The following MEIOB variants were observed in gnomAD, a reference collection of about 807,000 sequenced individuals.
The protein encoded by MEIOB is meiosis-specific with OB domain-containing protein.
Under a neutral mutation model 53.1 loss-of-function variants are expected in MEIOB, and 50 were observed. The observed-to-expected ratio is 0.94, with a 90% CI of 0.75 to 1.19. The LOEUF is 1.19. MEIOB is among the 50% of genes most tolerant of loss of function. The pLI is 0.00. For synonymous variants in MEIOB, 192 were observed against 182.5 expected (o/e 1.05, Z -0.42); for missense variants, 551 against 550.8 (o/e 1.00, Z 0.00).
chr16:1,836,138 T>G (rs1343550390), intron 13 of MEIOB, among the ~76,000 whole-genome samples: 2 of 151,574 alleles, frequency 1.3e-5, no homozygotes, highest in African/African-American at 4.8e-5. Flanking sequence ...CCCTCATTAA[T>G]TAATGAGTTA....
chr16:1,844,995 C>G (rs781104152), intron 9 of MEIOB, 32 bp from the exon 10 acceptor site: 2 of 943,156 alleles, frequency 2.1e-6, no homozygotes, highest in South Asian at 1.5e-5. Context: ...AAGTAAAAAG[C>G]AAACTGATTA....
intron 11 of MEIOB, chr16:1,839,774 C>G (rs755295778): frequency 1.6e-5 from 4 of 248,664 alleles, no homozygotes; most frequent in Non-Finnish European, 3.1e-5. Flanking sequence ...CTTGGAACAG[C>G]AGCAGAGTGC....
intron 9 of MEIOB, among the ~76,000 whole-genome samples, chr16:1,849,462 T>G (rs537631607): frequency 6.8e-6 from 1 of 146,082 alleles, no homozygotes; most frequent in African/African-American, 2.6e-5. Flanking sequence ...AGGAGAATGC[T>G]GTGAACCCGG....
chr16:1,834,170 T>C lies in MEIOB; in HGVS notation c.*86A>G. ...TCACCACATGTAAACAAAATGCAATTTTCCCCATAATTTTCAAATTAATAT... is the reference window on the plus strand; with the variant it reads ...TCACCACATGTAAACAAAATGCAATCTTCCCCATAATTTTCAAATTAATAT... On this transcript the variant is annotated 3_prime_UTR_variant, in exon 14 of 14. Transcript: ENST00000325962. 4.1e-6 allele frequency: 3 copies of C among 731,558 alleles called. No individual in the cohort carries two copies. The highest frequency in any genetic ancestry group is 7.0e-6 in the Non-Finnish European group (3 of 428,600). 45.3% of individuals were successfully genotyped at this position (731,558 alleles called of 1,614,324 possible). A position where few individuals can be genotyped will look rare whatever the true frequency, so the allele number is the denominator to read the frequency against.
intron 5 of MEIOB, among the ~76,000 whole-genome samples, chr16:1,858,601 T>C (rs1019699962): frequency 1.3e-5 from 2 of 152,056 alleles, no homozygotes; most frequent in Non-Finnish European, 2.9e-5. Context: ...AAACCACAAA[T>C]ATGAAAATAT....
At chr16:1,846,378 C>G (rs1208220024) in intron 9 of MEIOB, among the ~76,000 whole-genome samples, 1 of 152,112 alleles carries the variant, frequency 6.6e-6, no homozygotes, top group Non-Finnish European at 1.5e-5. Context: ...TGTGCCCTCC[C>G]TATCTGATAA....
intron 4 of MEIOB, 97 bp from the exon 5 acceptor site, chr16:1,860,572 G>A (rs1340770805): frequency 4.3e-6 from 3 of 693,588 alleles, no homozygotes; most frequent in Non-Finnish European, 7.3e-6. Flanking sequence ...GATCATCATC[G>A]ACTCTAGGCT....
chr16:1,864,703 G>A (rs1298462531), intron 3 of MEIOB, among the ~76,000 whole-genome samples: 1 of 151,906 alleles, frequency 6.6e-6, no homozygotes, highest in Non-Finnish European at 1.5e-5. Flanking sequence ...GGTTAGGCTG[G>A]TCCCAAACTC....
intron 9 of MEIOB, among the ~76,000 whole-genome samples, chr16:1,851,286 A>G (rs1318065481): frequency 6.6e-6 from 1 of 152,184 alleles, no homozygotes; most frequent in Non-Finnish European, 1.5e-5. Context: ...ACATAGGCAC[A>G]GGGCTTTCCC....
intron 9 of MEIOB, among the ~76,000 whole-genome samples, chr16:1,851,211 A>G (rs938805383): frequency 6.6e-6 from 1 of 152,096 alleles, no homozygotes; most frequent in African/African-American, 2.4e-5. Flanking sequence ...CTCTTCTCAG[A>G]ACAGCTCCTG....
intron 9 of MEIOB, among the ~76,000 whole-genome samples, chr16:1,850,241 G>T (rs1431347840): frequency 6.6e-6 from 1 of 152,056 alleles, no homozygotes; most frequent in Non-Finnish European, 1.5e-5. Flanking sequence ...GCTCAAATTT[G>T]CCCTTAGAGG....
chr16:1,855,440 A>G (rs145673302), intron 6 of MEIOB, among the ~76,000 whole-genome samples: 102 of 152,252 alleles, frequency 6.7e-4, no homozygotes, highest in African/African-American at 2.3e-3. Flanking sequence ...CTCCATCTCA[A>G]AAAGAAAAAA....
chr16:1,854,791 TG>T (rs1308353009), intron 6 of MEIOB, among the ~76,000 whole-genome samples: 3 of 149,332 alleles, frequency 2.0e-5, no homozygotes, highest in Non-Finnish European at 3.0e-5. Context: ...TGGGGTAAGA[TG>T]ATCAAAGAAG....
intron 6 of MEIOB, among the ~76,000 whole-genome samples, chr16:1,856,415 G>A (rs972180123): frequency 6.6e-5 from 10 of 151,910 alleles, no homozygotes; most frequent in Non-Finnish European, 1.5e-4. Flanking sequence ...TGCCTCCCGG[G>A]TTCACGCCAT....
chr16:1,837,617 A>T (rs1362686187), intron 13 of MEIOB, 167 bp downstream of exon 13: 1 of 473,852 alleles, frequency 2.1e-6, no homozygotes, highest in Non-Finnish European at 3.8e-6. Flanking sequence ...AATATGAAAA[A>T]ACCCCTGGCT....
intron 4 of MEIOB, 144 bp downstream of exon 4, chr16:1,861,841 T>G: frequency 1.2e-6 from 1 of 845,726 alleles, no homozygotes; most frequent in East Asian, 3.0e-5. Flanking sequence ...CACTGCATTA[T>G]ACTCTTAACA....
intron 9 of MEIOB, among the ~76,000 whole-genome samples, chr16:1,846,294 G>A (rs2142083539): frequency 6.6e-6 from 1 of 152,242 alleles, no homozygotes; most frequent in East Asian, 1.9e-4. Context: ...GGGCTGGCAG[G>A]GATGGGTGGG....
intron 10 of MEIOB, 65 bp downstream of exon 10, chr16:1,844,797 A>AGATACCAGATATCTTTTACCATGT: frequency 9.3e-6 from 7 of 754,738 alleles, no homozygotes; most frequent in Non-Finnish European, 1.6e-5. Context: ...ACCATGTCAA[A>AGATACCAGATATCTTTTACCATGT]CAAACCTTTA....
chr16:1,855,171 C>T (rs749970259), intron 6 of MEIOB, among the ~76,000 whole-genome samples: 3 of 152,162 alleles, frequency 2.0e-5, no homozygotes, highest in South Asian at 2.1e-4. Context: ...GGGTGGCTCA[C>T]GCCTGTAATC....
Sources: gnomAD v4.1 joint callset for allele counts (sites outside exome capture counted in the v4.1 genomes callset) on GRCh38, gnomAD v4.1.1 for gene constraint, MANE v1.5 for transcripts, NCBI Gene and HGNC (gene_info 2026-07-23, HGNC 2026-07-21) for gene names.